The following CHODL variants were observed in gnomAD, a reference collection of about 807,000 sequenced individuals.
CHODL encodes transmembrane protein MT75.
A neutral mutation model predicts 34.5 loss-of-function variants in CHODL; 29 were observed. That is an observed-to-expected ratio of 0.84 (90% CI 0.63 to 1.15). The LOEUF (loss-of-function observed/expected upper bound fraction) is 1.15, where lower values mean the gene tolerates loss of function less well. Ranked by LOEUF, CHODL falls within the 50% of genes most tolerant of loss-of-function variation. The probability of loss-of-function intolerance (pLI) is 0.00; values close to 1 mark genes in which losing one functional copy is unlikely to be tolerated. For synonymous variants in CHODL, 125 were observed against 116.1 expected (o/e 1.08, Z -0.49); for missense variants, 332 against 332.5 (o/e 1.00, Z 0.01).
chr21:17,946,569 T>A (rs2063411212), intron 1 of CHODL, among the ~76,000 whole-genome samples: 1 of 152,250 alleles, frequency 6.6e-6, no homozygotes, highest in Non-Finnish European at 1.5e-5. Context: ...TAATATTTGC[T>A]TTGTATATGT....
At chr21:18,180,155 T>A (rs1423857058) in intron 2 of CHODL, among the ~76,000 whole-genome samples, 1 of 152,186 alleles carries the variant, frequency 6.6e-6, no homozygotes, top group Admixed American at 6.5e-5. Flanking sequence ...AACATCCTTT[T>A]TGTTTGTTTG....
chr21:18,054,959 T>C (rs2064561013), intron 2 of CHODL, among the ~76,000 whole-genome samples: 1 of 152,002 alleles, frequency 6.6e-6, no homozygotes, highest in African/African-American at 2.4e-5. Flanking sequence ...ATGACCATAC[T>C]CCCAAGTAGG....
chr21:17,966,357 A>G (rs1424230401), intron 1 of CHODL, among the ~76,000 whole-genome samples: 3 of 152,216 alleles, frequency 2.0e-5, no homozygotes, highest in Admixed American at 6.5e-5. Flanking sequence ...GGGCGGCAGT[A>G]GGTATTACTA....
chr21:18,083,540 C>A (rs1193102217), intron 2 of CHODL, among the ~76,000 whole-genome samples: 2 of 152,184 alleles, frequency 1.3e-5, no homozygotes, highest in African/African-American at 4.8e-5. Flanking sequence ...CAACACCAAC[C>A]CATGAAAGCA....
intron 1 of CHODL, among the ~76,000 whole-genome samples, chr21:17,981,937 G>A (rs552772124): frequency 1.3e-5 from 2 of 152,260 alleles, no homozygotes; most frequent in South Asian, 4.1e-4. Context: ...GTGTTCAATT[G>A]GCATAGGCCC....
intron 2 of CHODL, among the ~76,000 whole-genome samples, chr21:18,223,157 A>G (rs1407429290): frequency 6.6e-6 from 1 of 152,156 alleles, no homozygotes; most frequent in Admixed American, 6.6e-5. Flanking sequence ...ATGGAGTGGT[A>G]ATCAGTAAAA....
intron 2 of CHODL, among the ~76,000 whole-genome samples, chr21:18,123,884 G>C (rs1045147878): frequency 1.3e-5 from 2 of 152,022 alleles, no homozygotes; most frequent in African/African-American, 4.8e-5. Flanking sequence ...TCACCCTTTT[G>C]ATACTATAAA....
At chr21:18,029,130 A>G (rs938877044) in intron 2 of CHODL, among the ~76,000 whole-genome samples, 1 of 152,130 alleles carries the variant, frequency 6.6e-6, no homozygotes, top group African/African-American at 2.4e-5. Context: ...AGTCACTTTC[A>G]CTTGGGTGCG....
chr21:18,196,070 G>T (rs1324760374), intron 2 of CHODL, among the ~76,000 whole-genome samples: 3 of 152,098 alleles, frequency 2.0e-5, no homozygotes, highest in African/African-American at 4.8e-5. Context: ...TATGTCCAAG[G>T]TGCTTTCCAG....
intron 1 of CHODL, among the ~76,000 whole-genome samples, chr21:17,982,408 T>C (rs1389243566): frequency 6.6e-6 from 1 of 152,164 alleles, no homozygotes; most frequent in Non-Finnish European, 1.5e-5. Flanking sequence ...AAAGGTTTAG[T>C]TGAGGACTGA....
chr21:18,261,996 C>T (rs1389200318), intron 4 of CHODL, among the ~76,000 whole-genome samples: 1 of 150,852 alleles, frequency 6.6e-6, no homozygotes, highest in Admixed American at 6.6e-5. Context: ...AATTACTTAC[C>T]CAATATATTT....
upstream of CHODL, among the ~76,000 whole-genome samples, chr21:18,242,610 C>A (rs1322535588): frequency 6.6e-6 from 1 of 152,166 alleles, no homozygotes; most frequent in Non-Finnish European, 1.5e-5. Context: ...GTCAGCCAGT[C>A]ACCTTAAAAA....
At chr21:17,976,727 T>G (rs1414730223) in intron 1 of CHODL, among the ~76,000 whole-genome samples, 1 of 152,210 alleles carries the variant, frequency 6.6e-6, no homozygotes, top group African/African-American at 2.4e-5. Context: ...TTATATTTTG[T>G]TTTTTAAATA....
intron 2 of CHODL, among the ~76,000 whole-genome samples, chr21:18,181,757 C>A (rs1212781045): frequency 6.6e-6 from 1 of 152,174 alleles, no homozygotes; most frequent in Non-Finnish European, 1.5e-5. Flanking sequence ...TACACATTGA[C>A]CATTCTGGAC....
chr21:18,260,132 A>T lies in CHODL; in HGVS notation c.548-68A>T, dbSNP rs950282497. The T allele has an allele frequency of 9.1e-5, 54 of 595,284 alleles. 1 individual carries two copies. The Admixed American group carries it at 1.6e-3, about 18-fold the overall frequency. The allele number at this position is 595,284 out of a possible 1,614,324, so 36.9% of individuals were successfully genotyped here. On this transcript the variant is annotated intron_variant, in intron 3 of 5. Transcript: ENST00000299295. ...TGTTTTTATTTTATAATATAATTTCATATTTATATATATTTTCAATTCTCT... is the reference window on the plus strand; with the variant it reads ...TGTTTTTATTTTATAATATAATTTCTTATTTATATATATTTTCAATTCTCT...
intron 1 of CHODL, among the ~76,000 whole-genome samples, chr21:18,015,722 C>T (rs2064066746): frequency 6.6e-6 from 1 of 152,136 alleles, no homozygotes. Flanking sequence ...GAAAAGGACT[C>T]AGATGGAGAT....
intron 1 of CHODL, among the ~76,000 whole-genome samples, chr21:17,917,574 G>T: frequency 6.6e-6 from 1 of 150,630 alleles, no homozygotes. Flanking sequence ...AGAGATTCAT[G>T]CCCTACCCAA....
intron 2 of CHODL, among the ~76,000 whole-genome samples, chr21:18,077,167 A>T (rs1246480147): frequency 6.6e-6 from 1 of 152,108 alleles, no homozygotes; most frequent in Non-Finnish European, 1.5e-5. Flanking sequence ...GCTACTTGGG[A>T]TCTGTCACTC....
chr21:18,244,859 C>G lies in CHODL; in HGVS notation c.-365C>G, dbSNP rs1367209086. ...CTGCTGCTGTGATCCAGGACCAGGG[C>G]GCACCGGCTCAGCCTCTCACTTGTC... On this transcript the variant is annotated 5_prime_UTR_variant, in exon 1 of 6. Coordinates refer to ENST00000299295, the MANE Select transcript of CHODL (RefSeq NM_024944.3). 4.5e-6 allele frequency: 1 copy of G among 221,562 alleles called. No homozygotes were observed. Among genetic ancestry groups the G allele is most frequent in the Admixed American group, 5.9e-5 (1 of 16,812 alleles). 13.7% of individuals were successfully genotyped at this position (221,562 alleles called of 1,614,324 possible).
Sources: allele counts gnomAD v4.1 joint callset (sites outside exome capture counted in the v4.1 genomes callset), GRCh38; gene constraint gnomAD v4.1.1; transcripts MANE v1.5; gene names NCBI Gene and HGNC (gene_info 2026-07-23, HGNC 2026-07-21).